Variants in MTMR1 observed in about 807,000 individuals in gnomAD.
MTMR1 encodes phosphatidylinositol-3-phosphate phosphatase MTMR1.
Under a neutral mutation model 51.6 loss-of-function variants are expected in MTMR1, and 17 were observed. The ratio of observed to expected loss-of-function variants is 0.33; its 90% CI spans 0.23 to 0.49. The LOEUF (loss-of-function observed/expected upper bound fraction) is 0.49, where lower values mean the gene tolerates loss of function less well. MTMR1 is among the 20% of genes least tolerant of loss of function. The probability of loss-of-function intolerance (pLI) is 0.99; values close to 1 mark genes in which losing one functional copy is unlikely to be tolerated. For synonymous variants in MTMR1, 201 were observed against 205.6 expected, an observed-to-expected ratio of 0.98 and a Z score of 0.19; for missense variants, 386 against 526.9, an observed-to-expected ratio of 0.73 and a Z score of 2.62.
Position 150,764,696 on chromosome X carries a change from T to TAA in MTMR1, c.*1969_*1970dup, listed in dbSNP as rs1557418370. ...CCTAGAGGAGACTCTCATTCGATTT[T>TAA]AAAGAAGCACAACGGGTCATTTTCC... On this transcript the variant is annotated 3_prime_UTR_variant, in exon 16 of 16. Coordinates refer to ENST00000445323, the MANE Select transcript of MTMR1 (RefSeq NM_001306144.3). 1 of 112,345 alleles carries TAA rather than the reference T, an allele frequency of 8.9e-6. No individual in the cohort carries two copies. The highest frequency in any genetic ancestry group is 9.4e-5 in the Admixed American group (1 of 10,622). The allele number at this position is 112,345 out of a possible 1,213,427, so 9.3% of individuals were successfully genotyped here.
chrX:150,753,759 A>G (rs1333372788), intron 14 of MTMR1, among the ~76,000 whole-genome samples: 3 of 109,341 alleles, frequency 2.7e-5, no homozygotes. Flanking sequence ...ATTTTCTCCC[A>G]CTCTAGGGGT....
intron 4 of MTMR1, among the ~76,000 whole-genome samples, chrX:150,720,535 G>A (rs2041712035): frequency 8.9e-6 from 1 of 112,013 alleles, no homozygotes; most frequent in Admixed American, 9.5e-5. Context: ...ATCTGTTGGT[G>A]GATATTTGGG....
At chrX:150,693,721 C>T in intron 1 of MTMR1, 45 bp downstream of exon 1, 2 of 743,601 alleles carry the variant, frequency 2.7e-6, no homozygotes, top group Non-Finnish European at 3.2e-6. Context: ...CCCCGACTCC[C>T]GAGGGCCCCG....
At position 150,731,466 on chromosome X, in the gene MTMR1, A is replaced by G; in HGVS notation, c.742-4A>G. ...CCTCTTCTTCTTTCTCCAACACCTT[A>G]CAGGGCTTGCCAAATGAGAGTTGGA... On this transcript the variant is annotated splice_polypyrimidine_tract_variant and splice_region_variant and intron_variant, in intron 8 of 15. Coordinates refer to ENST00000445323, the MANE Select transcript of MTMR1 (RefSeq NM_001306144.3). 8.4e-7 allele frequency: 1 copy of G among 1,189,414 alleles called. No individual in the cohort carries two copies. Among genetic ancestry groups the G allele is most frequent in the Non-Finnish European group, 1.1e-6 (1 of 882,942 alleles).
At chrX:150,718,601 T>C (rs1557416487) in intron 3 of MTMR1, 24 bp from the exon 4 acceptor site, 1 of 949,906 alleles carries the variant, frequency 1.1e-6, no homozygotes, top group Non-Finnish European at 1.3e-6. Context: ...TTTTTTTTTT[T>C]TTTTTTTTTT....
chrX:150,742,910 T>C (rs782784504), intron 12 of MTMR1, among the ~76,000 whole-genome samples: 2 of 109,865 alleles, frequency 1.8e-5, no homozygotes, highest in African/African-American at 6.6e-5. Flanking sequence ...TTTCCACTTA[T>C]ATGAAGAAAC....
chrX:150,738,266 CATA>C (rs1324818455), intron 12 of MTMR1, among the ~76,000 whole-genome samples: 4 of 111,870 alleles, frequency 3.6e-5, no homozygotes, highest in African/African-American at 1.3e-4. Flanking sequence ...CTTCACTAAG[CATA>C]ATATTTTCAA....
chrX:150,695,735 A>G (rs1235795123), intron 1 of MTMR1, among the ~76,000 whole-genome samples: 2 of 111,949 alleles, frequency 1.8e-5, no homozygotes, highest in East Asian at 2.8e-4. Context: ...CCTGGAGTTC[A>G]GGGTTGTCTG....
chrX:150,746,407 ACT>A (rs1376465904), intron 13 of MTMR1, among the ~76,000 whole-genome samples: 3 of 111,961 alleles, frequency 2.7e-5, no homozygotes, highest in African/African-American at 9.7e-5. Flanking sequence ...AAGCATGAAG[ACT>A]GGCCTGAAGC....
In MTMR1 at chrX:150,750,470, G is replaced by A. The variant is rs782509228; in HGVS notation, c.1567-260G>A. 2.7e-5 allele frequency among the ~76,000 whole-genome samples: 3 copies of A among 111,796 alleles called. No homozygotes were observed. The South Asian group carries it at 1.1e-3, about 42-fold the overall frequency. On this transcript the variant is annotated intron_variant, in intron 13 of 15. Transcript: ENST00000445323. ...GAAGGGTGAGTCTGGGCTCTGTCCT[G>A]CCGCCATGGTGAGAAGTGGAAGCTA... is the stretch of plus-strand genomic sequence containing the variant.
At chrX:150,758,791 G>A (rs1217550275) in intron 15 of MTMR1, among the ~76,000 whole-genome samples, 20 of 100,000 alleles carry the variant, frequency 2.0e-4, no homozygotes, top group Admixed American at 2.0e-3. Flanking sequence ...GTGAGACTCC[G>A]TCTCAAAAAA....
Position 150,736,800 on chromosome X carries a change from T to C in MTMR1, c.1266+20T>C, listed in dbSNP as rs1482966679. ...ATAAGGGTAAAGAGATCCAGCACTT[T>C]ATATGCTTTCCAGTTAAGACTTCTT... On this transcript the variant is annotated intron_variant, in intron 11 of 15. Transcript: ENST00000445323. 2.6e-6 allele frequency: 3 copies of C among 1,165,027 alleles called. No homozygotes were observed. The highest frequency in any genetic ancestry group is 2.3e-6 in the Non-Finnish European group (2 of 869,556).
Position 150,693,419 on chromosome X carries a change from T to G in MTMR1, c.-112T>G, listed in dbSNP as rs1286822726. 1.3e-6 allele frequency: 1 copy of G among 744,852 alleles called. No individual in the cohort carries two copies. Among genetic ancestry groups the G allele is most frequent in the Admixed American group, 8.8e-5 (1 of 11,420 alleles). The allele number at this position is 744,852 out of a possible 1,213,427, so 61.4% of individuals were successfully genotyped here. ...GTGACAGCTAATGGCGGCGGCCGCCTGAGGCGGGCGGGCGGTATAGAGCGG... is the reference window on the plus strand; with the variant it reads ...GTGACAGCTAATGGCGGCGGCCGCCGGAGGCGGGCGGGCGGTATAGAGCGG... On this transcript the variant is annotated 5_prime_UTR_variant, in exon 1 of 16. An upstream open reading frame in the 5' UTR loses its in-frame stop. Coordinates refer to ENST00000445323, the MANE Select transcript of MTMR1 (RefSeq NM_001306144.3).
rs189308156 is a variant in MTMR1 at position 150,730,242 on chromosome X, G to C, written c.657+32G>C. The stretch of plus-strand genomic sequence containing the variant: ...ACACCAGAGTAAACCTTTTCTGCAT[G>C]CATTTGTGGGGGTCCAAATATCCTA... On this transcript the variant is annotated intron_variant, in intron 7 of 15. Transcript: ENST00000445323. The C allele has an allele frequency of 4.4e-5, 43 of 978,745 alleles. No homozygotes were observed. The South Asian group carries it at 9.4e-4, about 21-fold the overall frequency. 80.7% of individuals were successfully genotyped at this position (978,745 alleles called of 1,213,427 possible).
rs782387018 is a variant in MTMR1, at chrX:150,713,070, T to G, written c.276+705T>G. ...GTATAATAACTTCAGTTTAAAAGTT[T>G]TAATCTTATTGAAGCCAATGAAGTA... is the stretch of plus-strand genomic sequence containing the variant. On this transcript the variant is annotated intron_variant, in intron 3 of 15. Coordinates refer to ENST00000445323, the MANE Select transcript of MTMR1 (RefSeq NM_001306144.3). 6 of 517,719 alleles carry G rather than the reference T, an allele frequency of 1.2e-5. No homozygotes were observed. In the Admixed American group the frequency reaches 3.0e-4, roughly 26 times the overall value. The allele number at this position is 517,719 out of a possible 1,213,427, so 42.7% of individuals were successfully genotyped here.
At chrX:150,761,158 T>C (rs987317956) in intron 15 of MTMR1, among the ~76,000 whole-genome samples, 2 of 110,743 alleles carry the variant, frequency 1.8e-5, no homozygotes. Context: ...TAAATGATCC[T>C]ACAGACAGGA....
chrX:150,702,541 A>C (rs2040953733), intron 2 of MTMR1, among the ~76,000 whole-genome samples: 1 of 112,041 alleles, frequency 8.9e-6, no homozygotes, highest in African/African-American at 3.2e-5. Context: ...CAGTCAGCCC[A>C]GGGTCAGCTC....
At chrX:150,751,289 CA>C in intron 14 of MTMR1, 1 of 658,605 alleles carries the variant, frequency 1.5e-6, no homozygotes, top group Non-Finnish European at 1.8e-6. Flanking sequence ...AAGCAGTTAC[CA>C]AACTTCTCAG....
Position 150,751,306 on chromosome X carries a change from C to A in MTMR1, c.1680+463C>A, listed in dbSNP as rs1683062895. ...GCAGTTACCAAACTTCTCAGAGTTA[C>A]ATCTCATTTCTTTCTTTTTCCCTCA... is the stretch of plus-strand genomic sequence containing the variant. On this transcript the variant is annotated intron_variant, in intron 14 of 15. Coordinates refer to ENST00000445323, the MANE Select transcript of MTMR1 (RefSeq NM_001306144.3). The A allele has an allele frequency of 6.6e-6, 4 of 602,359 alleles. No homozygotes were observed. In the South Asian group the frequency reaches 3.0e-4, roughly 45 times the overall value. 49.6% of individuals were successfully genotyped at this position (602,359 alleles called of 1,213,427 possible). A position where few individuals can be genotyped will look rare whatever the true frequency, so the allele number is the denominator to read the frequency against.
Sources: gnomAD v4.1 joint callset for allele counts (sites outside exome capture counted in the v4.1 genomes callset) on GRCh38, gnomAD v4.1.1 for gene constraint, MANE v1.5 for transcripts, NCBI Gene and HGNC (gene_info 2026-07-23, HGNC 2026-07-21) for gene names.